Variants in CFAP96 observed in about 807,000 individuals in gnomAD.
CFAP96 encodes the protein cilia and flagella associated protein 96.
the CFAP96 span, among the ~76,000 whole-genome samples, chr4:185,443,174 A>G: frequency 6.6e-6 from 1 of 151,604 alleles, no homozygotes; most frequent in Admixed American, 6.6e-5. Context: ...TGGCTCTGCT[A>G]ATTTTCTCAA....
the CFAP96 span, among the ~76,000 whole-genome samples, chr4:185,443,342 A>ATATATTTT: frequency 9.8e-3 from 261 of 26,700 alleles, 5 homozygotes; most frequent in South Asian, 0.044. Context: ...ATATATATAT[A>ATATATTTT]TTTTTTTTTT....
At chr4:185,409,129 T>G in the CFAP96 span, among the ~76,000 whole-genome samples, 10 of 152,020 alleles carry the variant, frequency 6.6e-5, no homozygotes, top group Admixed American at 2.6e-4. Flanking sequence ...GCTGAATGAA[T>G]GAAGGAAGGA....
the CFAP96 span, among the ~76,000 whole-genome samples, chr4:185,420,539 G>C: frequency 2.0e-5 from 3 of 152,166 alleles, no homozygotes; most frequent in South Asian, 6.2e-4. Flanking sequence ...CTGGTATCTT[G>C]ATAAATAAAT....
chr4:185,418,545 G>A, the CFAP96 span: 3 of 1,609,768 alleles, frequency 1.9e-6, no homozygotes, highest in African/African-American at 1.3e-5. Context: ...AATATGAAAT[G>A]ATGTTTTGAA....
chr4:185,434,320 CTTA>C, the CFAP96 span, among the ~76,000 whole-genome samples: 1 of 152,094 alleles, frequency 6.6e-6, no homozygotes, highest in Non-Finnish European at 1.5e-5. Flanking sequence ...ATTATTTATT[CTTA>C]TTATTACTAC....
chr4:185,445,471 G>A, the CFAP96 span: 8 of 1,505,282 alleles, frequency 5.3e-6, no homozygotes, highest in Non-Finnish European at 7.3e-6. Flanking sequence ...GCTATTTCTC[G>A]AAGGGAGTTT....
chr4:185,438,602 C>A, the CFAP96 span, among the ~76,000 whole-genome samples: 1 of 152,246 alleles, frequency 6.6e-6, no homozygotes, highest in Non-Finnish European at 1.5e-5. Flanking sequence ...CTTTGAGTTA[C>A]TGGCAATTTT....
chr4:185,427,443 G>T, the CFAP96 span, among the ~76,000 whole-genome samples: 1 of 152,152 alleles, frequency 6.6e-6, no homozygotes, highest in Admixed American at 6.5e-5. Flanking sequence ...TTGCAGAGAG[G>T]CACTCAAACA....
chr4:185,432,554 G>A, the CFAP96 span, among the ~76,000 whole-genome samples: 3 of 152,110 alleles, frequency 2.0e-5, no homozygotes, highest in Non-Finnish European at 4.4e-5. Context: ...TTTTTCTGCT[G>A]TTAAAGAAGT....
the CFAP96 span, chr4:185,415,212 A>G: frequency 1.9e-6 from 3 of 1,607,800 alleles, no homozygotes; most frequent in Non-Finnish European, 2.5e-6. Context: ...AAATTGTTAC[A>G]AGATTTTTTT....
At chr4:185,436,712 A>AAATAATAATAATAATAATAAT in the CFAP96 span, among the ~76,000 whole-genome samples, 97 of 144,120 alleles carry the variant, frequency 6.7e-4, no homozygotes, top group East Asian at 2.4e-3. Flanking sequence ...TCCGTCTCAA[A>AAATAATAATAATAATAATAAT]AATAATAATA....
At chr4:185,418,829 T>A in the CFAP96 span, 1 of 1,328,340 alleles carries the variant, frequency 7.5e-7, no homozygotes, top group Admixed American at 2.6e-5. Context: ...CATGAATGGT[T>A]CCAAACATAC....
the CFAP96 span, among the ~76,000 whole-genome samples, chr4:185,419,080 T>C: frequency 1.3e-5 from 2 of 152,114 alleles, no homozygotes; most frequent in Non-Finnish European, 2.9e-5. Context: ...AGCAGTCGTT[T>C]CTCATTCCCC....
the CFAP96 span, among the ~76,000 whole-genome samples, chr4:185,438,659 A>G: frequency 9.1e-3 from 1,380 of 152,244 alleles, 17 homozygotes; most frequent in African/African-American, 0.032. Flanking sequence ...TGAGTGCTGT[A>G]TATTTTTGTA....
At chr4:185,425,075 G>T in the CFAP96 span, among the ~76,000 whole-genome samples, 8 of 152,222 alleles carry the variant, frequency 5.3e-5, no homozygotes, top group Admixed American at 1.3e-4. Context: ...GCCAAGGATG[G>T]TAAGAGTGGC....
chr4:185,422,721 C>T, the CFAP96 span, among the ~76,000 whole-genome samples: 1 of 152,142 alleles, frequency 6.6e-6, no homozygotes, highest in Non-Finnish European at 1.5e-5. Context: ...AAAACAAAAA[C>T]AAAAGCAACC....
At chr4:185,425,506 G>A in the CFAP96 span, among the ~76,000 whole-genome samples, 153 of 152,272 alleles carry the variant, frequency 1.0e-3, 1 homozygote, top group African/African-American at 3.6e-3. Flanking sequence ...ACCAGGGGAG[G>A]GAAATACCAC....
the CFAP96 span, among the ~76,000 whole-genome samples, chr4:185,424,406 C>T: frequency 8.5e-5 from 13 of 152,218 alleles, no homozygotes; most frequent in Admixed American, 3.3e-4. Flanking sequence ...GGTACCAATA[C>T]AGTTTTTCTC....
At chr4:185,440,522 A>C in the CFAP96 span, 1 of 1,470,664 alleles carries the variant, frequency 6.8e-7, no homozygotes, top group Non-Finnish European at 9.0e-7. Flanking sequence ...ATGTAATTTC[A>C]AACTCTTTAA....
Sources: allele counts gnomAD v4.1 joint callset (sites outside exome capture counted in the v4.1 genomes callset), GRCh38; gene constraint gnomAD v4.1.1; transcripts MANE v1.5; gene names NCBI Gene and HGNC (gene_info 2026-07-23, HGNC 2026-07-21).